PCBP3: variants seen among roughly 807,000 people sequenced by gnomAD.
The protein encoded by PCBP3 is poly(rC)-binding protein 3.
In PCBP3, 25 loss-of-function variants were observed where a neutral mutation model predicts 52.7. The ratio of observed to expected loss-of-function variants is 0.47; its 90% CI spans 0.35 to 0.66. The LOEUF (loss-of-function observed/expected upper bound fraction) is 0.66, where lower values mean the gene tolerates loss of function less well. Ranked by LOEUF, PCBP3 falls within the 30% of genes least tolerant of loss-of-function variation. The pLI is 0.01. For synonymous variants in PCBP3, 162 were observed against 183.0 expected (o/e 0.89, Z 0.93); for missense variants, 391 against 490.3 (o/e 0.80, Z 1.91).
chr21:45,662,420 C>T (rs553036947), intron 1 of PCBP3, among the ~76,000 whole-genome samples: 1 of 151,422 alleles, frequency 6.6e-6, no homozygotes, highest in Non-Finnish European at 1.5e-5. Context: ...CTGTGCCTGG[C>T]CTGCATTTGC....
rs1209831952 is a variant in PCBP3 at position 45,643,814 on chromosome 21, G to C, written c.-333G>C. On this transcript the variant is annotated 5_prime_UTR_variant, in exon 1 of 18. Transcript: ENST00000681687. ...CACCCGCCTCGCCCCGACCCCGCCC[G>C]GGCCTCCCGGCCTCTCCCCGCCGGC... is the stretch of plus-strand genomic sequence containing the variant. The C allele has an allele frequency of 6.8e-6, 1 of 148,148 alleles. No homozygotes were observed. Among genetic ancestry groups the C allele is most frequent in the African/African-American group, 2.5e-5 (1 of 40,810 alleles). 9.2% of individuals were successfully genotyped at this position (148,148 alleles called of 1,614,324 possible).
At position 45,769,437 on chromosome 21, in the gene PCBP3, G is replaced by A. The variant is rs145221424; in HGVS notation, c.-126+13985G>A. Among the ~76,000 whole-genome samples, 38 of 152,376 alleles carry A rather than the reference G, an allele frequency of 2.5e-4. No individual in the cohort carries two copies. In the East Asian group the frequency reaches 6.7e-3, roughly 27 times the overall value. On this transcript the variant is annotated intron_variant, in intron 4 of 17. Transcript: ENST00000681687. ...TCTGCTGCCTGTGCTGGGACTGTGG[G>A]CGCATCGCCTGTGCGTGCAGCTGGA...
Position 45,827,448 on chromosome 21 carries a change from C to T in PCBP3, c.-125-22513C>T, listed in dbSNP as rs1036514586. On this transcript the variant is annotated intron_variant, in intron 4 of 17. Coordinates refer to ENST00000681687, the MANE Select transcript of PCBP3 (RefSeq NM_001384156.1). This position sits in a 1 kb window ranked among gnomAD's most constrained non-coding sequence, Gnocchi z 4.3. ...AAAGGCAATCGACAGACACCAACACCAACACCCAGATGACATGGGCACCGA... is the reference window on the plus strand; with the variant it reads ...AAAGGCAATCGACAGACACCAACACTAACACCCAGATGACATGGGCACCGA... 6.6e-5 allele frequency among the ~76,000 whole-genome samples: 10 copies of T among 152,234 alleles called. No homozygotes were observed. The highest frequency in any genetic ancestry group is 2.0e-4 in the Admixed American group (3 of 15,296).
At chr21:45,868,436 TAAAG>T (rs1218180254) in intron 5 of PCBP3, among the ~76,000 whole-genome samples, 3 of 115,556 alleles carry the variant, frequency 2.6e-5, no homozygotes, top group African/African-American at 6.9e-5. Context: ...TTTTTTTAAA[TAAAG>T]GATTCCGATG....
chr21:45,938,853 C>T (rs1242351836), intron 16 of PCBP3, among the ~76,000 whole-genome samples: 3 of 152,208 alleles, frequency 2.0e-5, no homozygotes, highest in African/African-American at 7.2e-5. Flanking sequence ...CATAGGTCTC[C>T]TCAGGGACAA....
chr21:45,790,193 T>C (rs6518257), intron 4 of PCBP3, among the ~76,000 whole-genome samples: 115,702 of 151,972 alleles, frequency 0.76, 45,010 homozygotes, highest in East Asian at 1. Context: ...AAGCAGAGAC[T>C]GGTGAGGAGG....
intron 2 of PCBP3, among the ~76,000 whole-genome samples, chr21:45,694,964 A>G (rs917738929): frequency 6.6e-6 from 1 of 152,240 alleles, no homozygotes; most frequent in Non-Finnish European, 1.5e-5. Flanking sequence ...TGTTTATTCT[A>G]AAACATATAA....
intron 9 of PCBP3, among the ~76,000 whole-genome samples, chr21:45,902,488 A>G (rs2096084645): frequency 6.6e-6 from 1 of 152,236 alleles, no homozygotes; most frequent in African/African-American, 2.4e-5. Context: ...CTTTTTGGTC[A>G]GCTGTGCTGC....
At chr21:45,670,441 T>G (rs893245601) in intron 2 of PCBP3, among the ~76,000 whole-genome samples, 1 of 152,220 alleles carries the variant, frequency 6.6e-6, no homozygotes, top group African/African-American at 2.4e-5. Flanking sequence ...CTAATTTCTT[T>G]TAGGCTACTA....
At chr21:45,843,421 T>G (rs2093739592) in intron 4 of PCBP3, among the ~76,000 whole-genome samples, 1 of 152,230 alleles carries the variant, frequency 6.6e-6, no homozygotes, top group South Asian at 2.1e-4. Flanking sequence ...CTTCTGAACT[T>G]TTCTTTATTA....
In PCBP3 at chr21:45,837,259, C is replaced by CA. The variant is rs2147910362; in HGVS notation, c.-125-12701dup. On this transcript the variant is annotated intron_variant, in intron 4 of 17. Coordinates refer to ENST00000681687, the MANE Select transcript of PCBP3 (RefSeq NM_001384156.1). This position sits in a 1 kb window ranked among gnomAD's most constrained non-coding sequence, Gnocchi z 4.1. ...ACTGTGGTCTGTATCTCCCGTTCCACATGCTCTTGTGCTGTGACTTTGATG... is the reference window on the plus strand; with the variant it reads ...ACTGTGGTCTGTATCTCCCGTTCCACAATGCTCTTGTGCTGTGACTTTGATG... Among the ~76,000 whole-genome samples the CA allele has an allele frequency of 6.6e-6, 1 of 152,390 alleles. No individual in the cohort carries two copies. Among genetic ancestry groups the CA allele is most frequent in the South Asian group, 2.1e-4 (1 of 4,824 alleles).
chr21:45,750,705 T>G (rs1030839567), intron 3 of PCBP3: 1 of 152,164 alleles, frequency 6.6e-6, no homozygotes, highest in African/African-American at 2.4e-5. Flanking sequence ...CACCAGATGT[T>G]TGAAGGGCTC....
At chr21:45,823,813 C>A (rs2147487594) in intron 4 of PCBP3, among the ~76,000 whole-genome samples, 1 of 152,178 alleles carries the variant, frequency 6.6e-6, no homozygotes, top group South Asian at 2.1e-4. Context: ...ATGATCTCGA[C>A]TCACTGCAAC....
chr21:45,756,042 T>G (rs1371428991), intron 4 of PCBP3, among the ~76,000 whole-genome samples: 1 of 152,236 alleles, frequency 6.6e-6, no homozygotes, highest in Non-Finnish European at 1.5e-5. Context: ...TCCTAGAAAT[T>G]ATATAGTTTT....
intron 13 of PCBP3, among the ~76,000 whole-genome samples, chr21:45,925,194 G>T (rs1036270078): frequency 2.9e-5 from 4 of 140,136 alleles, no homozygotes; most frequent in Admixed American, 2.8e-4. Context: ...CACACGTAAG[G>T]TCGGGTGTGC....
At position 45,800,109 on chromosome 21, in the gene PCBP3, C is replaced by T. The variant is rs958378284; in HGVS notation, c.-126+44657C>T. Among the ~76,000 whole-genome samples, 10 of 152,168 alleles carry T rather than the reference C, an allele frequency of 6.6e-5. No homozygotes were observed. The highest frequency in any genetic ancestry group is 9.7e-5 in the African/African-American group (4 of 41,448). On this transcript the variant is annotated intron_variant, in intron 4 of 17. Coordinates refer to ENST00000681687, the MANE Select transcript of PCBP3 (RefSeq NM_001384156.1). This position sits in a 1 kb window ranked among gnomAD's most constrained non-coding sequence, Gnocchi z 5.3. Reference sequence around the variant, plus strand: ...TCTTCATGAATCATGGCCTGGCTTCCGTGCAGCTGCCTTTTTGGAGGAGGC... The same window carrying T: ...TCTTCATGAATCATGGCCTGGCTTCTGTGCAGCTGCCTTTTTGGAGGAGGC...
chr21:45,869,762 C>T (rs2094925072), intron 5 of PCBP3, among the ~76,000 whole-genome samples: 1 of 152,222 alleles, frequency 6.6e-6, no homozygotes, highest in African/African-American at 2.4e-5. Flanking sequence ...TGTCCCCTCG[C>T]CACCAACGTT....
At chr21:45,825,532 G>A (rs1315871198) in intron 4 of PCBP3, among the ~76,000 whole-genome samples, 3 of 152,176 alleles carry the variant, frequency 2.0e-5, no homozygotes, top group East Asian at 3.9e-4. Flanking sequence ...CACTCCTGGC[G>A]GCTCAACAGG....
rs574556891 is a variant in PCBP3 at position 45,864,088 on chromosome 21, G to A, written c.10+13993G>A. 1.1e-3 allele frequency among the ~76,000 whole-genome samples: 167 copies of A among 152,252 alleles called. 1 individual carries two copies. Among genetic ancestry groups the A allele is most frequent in the African/African-American group, 3.8e-3 (159 of 41,528 alleles). On this transcript the variant is annotated intron_variant, in intron 5 of 17. Coordinates refer to ENST00000681687, the MANE Select transcript of PCBP3 (RefSeq NM_001384156.1). ...TATGGAAACATAAACGTGGCTTTAC[G>A]GATGTTTATCAATCAGAGATACTGG...
Sources: gnomAD v4.1 joint callset for allele counts (sites outside exome capture counted in the v4.1 genomes callset) on GRCh38, gnomAD v4.1.1 for gene constraint, Gnocchi (gnomAD v3.1) non-coding constraint, MANE v1.5 for transcripts, NCBI Gene and HGNC (gene_info 2026-07-23, HGNC 2026-07-21) for gene names.